Variants in ANK3 observed in about 807,000 individuals in gnomAD.
The protein encoded by ANK3 is ankyrin-3.
ANK3 carries 57 observed loss-of-function variants against 370.9 expected under a neutral mutation model. The ratio of observed to expected loss-of-function variants is 0.15; its 90% CI spans 0.12 to 0.19. The LOEUF (loss-of-function observed/expected upper bound fraction) is 0.19. Among genes scored for constraint, ANK3 ranks in the 10% least tolerant of loss-of-function variants. The pLI is 1.00. For synonymous variants in ANK3, 1,929 were observed against 1,946.3 expected, an observed-to-expected ratio of 0.99 and a Z score of 0.23; for missense variants, 4,439 against 5,302.1, an observed-to-expected ratio of 0.84 and a Z score of 5.06.
rs1218177654 is a variant in ANK3 at position 60,075,457 on chromosome 10, T to C, written c.5424A>G (p.Ile1808Met). The change falls in exon 37 of 44, where the codon ATA (isoleucine) becomes ATG (methionine). Residue 1808 changes from isoleucine (I) to methionine (M), a missense_variant. Ile to Met is a conservative substitution (Grantham distance 10, BLOSUM62 1). This residue lies in a region of ANK3 where 679 missense variants were observed against 791.0 expected (regional missense o/e 0.86). Transcript: ENST00000280772. The stretch of plus-strand genomic sequence containing the variant: ...AAGTTACAGATGAGGTAGTTGCAGA[T>C]ATTGACGACCCAAGGGATGTATAGA... Reference protein sequence around the residue: ...SALYTSLGSSISATTSSVTSS... With the variant: ...SALYTSLGSSMSATTSSVTSS... 7 of 1,612,620 alleles carry C rather than the reference T, an allele frequency of 4.3e-6. No individual in the cohort carries two copies. The highest frequency in any genetic ancestry group is 3.3e-5 in the Admixed American group (2 of 60,022).
chr10:60,164,806 G>A (rs913023236), intron 23 of ANK3, among the ~76,000 whole-genome samples: 4 of 152,196 alleles, frequency 2.6e-5, no homozygotes, highest in African/African-American at 9.7e-5. Flanking sequence ...CAGACTGAGT[G>A]ACCTTTAAGG....
chr10:60,547,955 G>A (rs973237999), intron 2 of ANK3, among the ~76,000 whole-genome samples: 2 of 151,938 alleles, frequency 1.3e-5, no homozygotes, highest in Non-Finnish European at 2.9e-5. Flanking sequence ...CCTTTCAGTA[G>A]AAATTATTAG....
rs201746228 is a variant in ANK3 at position 60,712,170 on chromosome 10, AC to A, written c.57+21092del. On this transcript the variant is annotated intron_variant, in intron 1 of 43. Transcript: ENST00000373827. ...AGGCCAGCCTAGGCAACATAGTGAG[AC>A]CCCCCCAGTCTCTAAAATAATAACA... is the stretch of plus-strand genomic sequence containing the variant. Among the ~76,000 whole-genome samples, 1,279 of 151,886 alleles carry A rather than the reference AC, an allele frequency of 8.4e-3. 12 individuals carry two copies. Among genetic ancestry groups the A allele is most frequent in the Middle Eastern group, 0.021 (6 of 292 alleles).
At position 60,072,757 on chromosome 10, in the gene ANK3, G is replaced by A; in HGVS notation, c.8124C>T (p.Phe2708=). 1 of 1,614,086 alleles carries A rather than the reference G, an allele frequency of 6.2e-7. No homozygotes were observed. Among genetic ancestry groups the A allele is most frequent in the South Asian group, 1.1e-5 (1 of 91,062 alleles). ...AACTGAGTTTAGATTGTTTGAGCTG[G>A]AATCCAGACTGGGGCCCATCTGGTG... The part of the protein sequence containing the change: ...SKAPDGPQSG[F]QLKQSKLSSI... The change falls in exon 37 of 44, where the codon TTC becomes TTT. Residue 2708 remains phenylalanine, a synonymous_variant. Coordinates refer to ENST00000280772, the MANE Select transcript of ANK3 (RefSeq NM_020987.5).
Position 60,272,112 on chromosome 10 carries a change from T to C in ANK3, c.415-1883A>G, listed in dbSNP as rs989259888. Among the ~76,000 whole-genome samples, 70 of 151,388 alleles carry C rather than the reference T, an allele frequency of 4.6e-4. 1 individual carries two copies. The highest frequency in any genetic ancestry group is 1.7e-3 in the African/African-American group (70 of 41,214). ...ATTTGTGTGTGTGTGTGTGTGTGTG[T>C]GTGTGTGTGTGTGTGCATGCCCATA... On this transcript the variant is annotated intron_variant, in intron 4 of 43. Transcript: ENST00000280772.
At chr10:60,183,206 A>T (rs2096245295) in intron 17 of ANK3, among the ~76,000 whole-genome samples, 1 of 152,206 alleles carries the variant, frequency 6.6e-6, no homozygotes, top group African/African-American at 2.4e-5. Context: ...GTGCAAACCT[A>T]CTATGTGCTC....
intron 14 of ANK3, 40 bp from the exon 15 acceptor site, chr10:60,196,665 T>C (rs1203288516): frequency 4.4e-6 from 6 of 1,354,622 alleles, no homozygotes; most frequent in East Asian, 4.6e-5. Context: ...ACAATAGAAA[T>C]GACATAAGGA....
In ANK3 at chr10:60,389,445, A is replaced by T; in HGVS notation, c.94T>A (p.Ser32Thr). The T allele has an allele frequency of 6.2e-7, 1 of 1,613,784 alleles. No homozygotes were observed. The highest frequency in any genetic ancestry group is 8.5e-7 in the Non-Finnish European group (1 of 1,179,912). ...PEKKRKHRKR[S>T]RDRKKKSDAN... is the part of the protein sequence containing the mutation. ...GATACCTTTTTCTTCCGATCCCGGGACCGTTTGCGGTGTTTCCTTTTTTTC... is the reference window on the plus strand; with the variant it reads ...GATACCTTTTTCTTCCGATCCCGGGTCCGTTTGCGGTGTTTCCTTTTTTTC... Residue 32 changes from serine (S) to threonine (T), a missense_variant, in exon 1 of 44, where the codon TCC (serine) becomes ACC (threonine). Ser to Thr is a moderately conservative substitution (Grantham distance 58, BLOSUM62 1). Coordinates refer to ENST00000280772, the MANE Select transcript of ANK3 (RefSeq NM_020987.5).
chr10:60,039,175 T>C (rs1428016866), intron 43 of ANK3, among the ~76,000 whole-genome samples: 1 of 152,218 alleles, frequency 6.6e-6, no homozygotes. Flanking sequence ...CAAATATTCT[T>C]TGAAGAAATA....
chr10:60,360,934 AT>A (rs1363855222), intron 1 of ANK3, among the ~76,000 whole-genome samples: 1 of 152,132 alleles, frequency 6.6e-6, no homozygotes, highest in African/African-American at 2.4e-5. Context: ...AAGATTATCA[AT>A]TTTTTTCTAA....
chr10:60,413,612 A>C (rs1232922376), intron 2 of ANK3, among the ~76,000 whole-genome samples: 3 of 152,194 alleles, frequency 2.0e-5, no homozygotes, highest in African/African-American at 7.2e-5. Context: ...ATCCTACAGA[A>C]GTCTGGGGAA....
chr10:60,465,749 A>C (rs993268823), intron 2 of ANK3, among the ~76,000 whole-genome samples: 1 of 151,556 alleles, frequency 6.6e-6, no homozygotes, highest in Non-Finnish European at 1.5e-5. Context: ...CAGTGTAAGA[A>C]TTCCTAATAG....
At chr10:60,211,143 G>A (rs1016106674) in intron 9 of ANK3, among the ~76,000 whole-genome samples, 5 of 152,120 alleles carry the variant, frequency 3.3e-5, no homozygotes, top group Admixed American at 3.3e-4. Flanking sequence ...TGAGACTTGG[G>A]GCTGCAAATA....
intron 5 of ANK3, among the ~76,000 whole-genome samples, chr10:60,265,793 T>C (rs2097867454): frequency 6.6e-6 from 1 of 152,164 alleles, no homozygotes; most frequent in African/African-American, 2.4e-5. Flanking sequence ...CAAATCAGCA[T>C]ACTTATATCC....
intron 2 of ANK3, among the ~76,000 whole-genome samples, chr10:60,529,895 T>A (rs1366212548): frequency 4.6e-5 from 7 of 152,184 alleles, no homozygotes; most frequent in African/African-American, 1.7e-4. Context: ...GGCATTAATA[T>A]TTTTGGATAT....
chr10:60,331,467 G>T (rs567975414), intron 1 of ANK3, among the ~76,000 whole-genome samples: 1 of 150,634 alleles, frequency 6.6e-6, no homozygotes, highest in Non-Finnish European at 1.5e-5. Flanking sequence ...GTTAACAGAC[G>T]ACTTACTTTA....
chr10:60,733,330 T>C (rs2080055026), exon 1 of ANK3: 2 of 1,230,410 alleles, frequency 1.6e-6, no homozygotes, highest in Non-Finnish European at 2.0e-6. Flanking sequence ...GTTGTGGGGC[T>C]GCTGCTGCTG....
rs189452618 is a variant in ANK3 at position 60,682,743 on chromosome 10, C to T, written c.57+50520G>A. ...AGCTGAACACCTAGAGGTTCCTGGA[C>T]GGTGGTGTGCCAGGGGAGGGCTTGG... On this transcript the variant is annotated intron_variant, in intron 1 of 43. Coordinates refer to the ANK3 transcript ENST00000373827. 3.3e-3 allele frequency among the ~76,000 whole-genome samples: 507 copies of T among 152,248 alleles called. 2 individuals carry two copies. Among genetic ancestry groups the T allele is most frequent in the Non-Finnish European group, 5.0e-3 (343 of 68,016 alleles).
chr10:60,069,381 C>A lies in ANK3; in HGVS notation c.11500G>T (p.Val3834Leu), dbSNP rs750004682. Residue 3834 changes from valine (V) to leucine (L), a missense_variant, in exon 37 of 44, where the codon GTA (valine) becomes TTA (leucine). Val to Leu is a conservative substitution (Grantham distance 32). Coordinates refer to ENST00000280772, the MANE Select transcript of ANK3 (RefSeq NM_020987.5). ...VKVSSGKKTG[V>L]LQGHCVRDKQ... ...TCTCTTACACAGTGTCCTTGTAGTA[C>A]CCCTGTCTTTTTTCCTGATGAGACT... 2 of 1,613,678 alleles carry A rather than the reference C, an allele frequency of 1.2e-6. No homozygotes were observed. Among genetic ancestry groups the A allele is most frequent in the Non-Finnish European group, 1.7e-6 (2 of 1,179,920 alleles).
Sources: gnomAD v4.1 joint callset for allele counts (sites outside exome capture counted in the v4.1 genomes callset) on GRCh38, gnomAD v4.1.1 for gene constraint, gnomAD v4.1.1 regional missense constraint, MANE v1.5 for transcripts, NCBI Gene and HGNC (gene_info 2026-07-23, HGNC 2026-07-21) for gene names.